Variants in HDC observed in about 807,000 individuals in gnomAD.
The protein encoded by HDC is histidine decarboxylase.
A neutral mutation model predicts 64.4 loss-of-function variants in HDC; 27 were observed. That is an observed-to-expected ratio of 0.42 (90% CI 0.31 to 0.58). HDC has a LOEUF of 0.58. Ranked by LOEUF, HDC falls within the 20% of genes least tolerant of loss-of-function variation. The pLI is 0.16. For missense variants in HDC, 711 were observed against 833.9 expected, an observed-to-expected ratio of 0.85 and a Z score of 1.81; for synonymous variants, 305 against 314.2, an observed-to-expected ratio of 0.97 and a Z score of 0.31.
At chr15:50,258,247 T>A (rs148141846) in intron 3 of HDC, among the ~76,000 whole-genome samples, 157 bp downstream of exon 3, 139 of 152,278 alleles carry the variant, frequency 9.1e-4, no homozygotes, top group African/African-American at 3.2e-3. Context: ...AAGGATGTGA[T>A]GAGAAAATTA....
intron 4 of HDC, among the ~76,000 whole-genome samples, chr15:50,256,678 G>A (rs998050059): frequency 7.2e-5 from 11 of 152,164 alleles, no homozygotes; most frequent in African/African-American, 2.7e-4. Flanking sequence ...GAGTCACCAT[G>A]TCCAGCCACG....
intron 1 of HDC, among the ~76,000 whole-genome samples, chr15:50,263,776 G>C (rs114121839): frequency 0.011 from 1,690 of 152,074 alleles, 28 homozygotes; most frequent in African/African-American, 0.039. Context: ...CTCCAGCCTG[G>C]ACTCAAAAAA....
intron 9 of HDC, among the ~76,000 whole-genome samples, chr15:50,251,922 G>C (rs1192213518): frequency 6.6e-6 from 1 of 152,158 alleles, no homozygotes; most frequent in African/African-American, 2.4e-5. Flanking sequence ...AGTTGGGAAA[G>C]TCAGGAATGC....
intron 2 of HDC, 22 bp from the exon 3 acceptor site, chr15:50,258,539 A>T: frequency 7.0e-7 from 1 of 1,431,178 alleles, no homozygotes; most frequent in African/African-American, 1.4e-5. Flanking sequence ...GCATGCACAG[A>T]GTTGGCACCA....
chr15:50,258,083 C>T (rs1362796690), intron 3 of HDC, among the ~76,000 whole-genome samples: 3 of 152,104 alleles, frequency 2.0e-5, no homozygotes, highest in Non-Finnish European at 4.4e-5. Flanking sequence ...CATCAAATTG[C>T]TTAGGTAAGG....
intron 9 of HDC, among the ~76,000 whole-genome samples, chr15:50,251,662 G>A (rs948418512): frequency 7.9e-5 from 12 of 152,142 alleles, no homozygotes; most frequent in African/African-American, 2.9e-4. Context: ...GGCTGAGGAT[G>A]TGGAATCAAG....
At chr15:50,245,268 G>A (rs904093480) in intron 10 of HDC, among the ~76,000 whole-genome samples, 1 of 152,192 alleles carries the variant, frequency 6.6e-6, no homozygotes, top group Non-Finnish European at 1.5e-5. Context: ...TTTACATATT[G>A]TCTACGGTAG....
intron 9 of HDC, among the ~76,000 whole-genome samples, chr15:50,251,842 AAAGAAAG>A (rs2045559964): frequency 4.1e-5 from 6 of 147,384 alleles, no homozygotes; most frequent in Non-Finnish European, 5.9e-5. Context: ...AGAAAAAAAA[AAAGAAAG>A]AAAGAAAGAA....
rs1041793374 is a variant in HDC, at chr15:50,250,035, C to G, written c.1042-1692G>C. ...TCCTTGTAAGGTCCTTGCAGGGCTC[C>G]CTTGCCAAGGCTAAGGTAACGCTCC... On this transcript the variant is annotated intron_variant, in intron 9 of 11. Transcript: ENST00000267845. Among the ~76,000 whole-genome samples the G allele has an allele frequency of 2.0e-5, 3 of 152,334 alleles. No individual in the cohort carries two copies. In the East Asian group the frequency reaches 5.8e-4, roughly 29 times the overall value.
In HDC at chr15:50,242,416, C is replaced by G; in HGVS notation, c.1833G>C (p.Arg611Ser). 1 of 1,614,146 alleles carries G rather than the reference C, an allele frequency of 6.2e-7. No individual in the cohort carries two copies. Among genetic ancestry groups the G allele is most frequent in the South Asian group, 1.1e-5 (1 of 91,076 alleles). ...EASVKNGGSSRVRIFSRFPED... is the reference protein window; with the variant it reads ...EASVKNGGSSSVRIFSRFPED... ...CTGGAAACCTGGAAAAGATTCTGAC[C>G]CTGGAGGAGCCCCCATTCTTCACAG... is the stretch of plus-strand genomic sequence containing the variant. Residue 611 changes from arginine (R) to serine (S), a missense_variant, in exon 12 of 12, where the codon AGG (arginine) becomes AGC (serine). By Grantham distance (110) the Arg-to-Ser change is moderately radical. Around this residue, in one of 3 missense-constraint regions of HDC, gnomAD observed 483 missense variants for 540.9 expected, o/e 0.89. Transcript: ENST00000267845.
intron 2 of HDC, among the ~76,000 whole-genome samples, chr15:50,260,254 C>G (rs552477701): frequency 1.3e-5 from 2 of 152,226 alleles, no homozygotes; most frequent in East Asian, 3.9e-4. Flanking sequence ...AACTCCTGAC[C>G]TCATGATCCA....
In HDC at chr15:50,258,442, T is replaced by A; in HGVS notation, c.280A>T (p.Met94Leu). 6.2e-7 allele frequency: 1 copy of A among 1,613,616 alleles called. No homozygotes were observed. Among genetic ancestry groups the A allele is most frequent in the Non-Finnish European group, 8.5e-7 (1 of 1,179,638 alleles). ...AAGCAGTTGATGGCATCAGCCAGCA[T>A]GTCTCCTAGCAGGGAGGGCCAAGAG... The part of the protein sequence containing the change: ...LTSWPSLLGD[M>L]LADAINCLGF... Residue 94 changes from methionine to leucine, a missense_variant, in exon 3 of 12, where the codon ATG becomes TTG. Met to Leu is a conservative substitution (Grantham distance 15, BLOSUM62 2). Around this residue, in one of 3 missense-constraint regions of HDC, gnomAD observed 225 missense variants for 276.2 expected, o/e 0.81. Coordinates refer to ENST00000267845, the MANE Select transcript of HDC (RefSeq NM_002112.4).
intron 4 of HDC, among the ~76,000 whole-genome samples, 195 bp from the exon 5 acceptor site, chr15:50,254,859 T>C (rs889849616): frequency 1.3e-5 from 2 of 151,886 alleles, no homozygotes; most frequent in Admixed American, 6.6e-5. Context: ...AGGGTGCCCA[T>C]GTCCCTCCCC....
In HDC at chr15:50,243,090, C is replaced by T. The variant is rs560263274; in HGVS notation, c.1242+53G>A. ...GCCCAGCATTTGTGTTTCCGAGAGG[C>T]TCTGGAGCACCACAAGACATCATTC... On this transcript the variant is annotated intron_variant, in intron 11 of 11. Transcript: ENST00000267845. The T allele has an allele frequency of 6.3e-5, 102 of 1,612,644 alleles. No individual in the cohort carries two copies. The South Asian group carries it at 1.1e-3, about 17-fold the overall frequency.
chr15:50,263,163 C>A, intron 2 of HDC, 72 bp downstream of exon 2: 1 of 1,523,150 alleles, frequency 6.6e-7, no homozygotes, highest in Non-Finnish European at 9.1e-7. Flanking sequence ...CAAAGCAGGT[C>A]TTTCTCCAGG....
At chr15:50,250,242 C>A (rs1025436918) in intron 9 of HDC, among the ~76,000 whole-genome samples, 4 of 152,214 alleles carry the variant, frequency 2.6e-5, no homozygotes, top group East Asian at 1.9e-4. Flanking sequence ...CTGTTCAAAG[C>A]TGCAGCCACC....
chr15:50,257,206 C>T (rs1490801532), intron 4 of HDC, among the ~76,000 whole-genome samples: 1 of 152,160 alleles, frequency 6.6e-6, no homozygotes, highest in Middle Eastern at 3.2e-3. Flanking sequence ...CATGTGTTGG[C>T]TCTTTAATTT....
Position 50,242,806 on chromosome 15 carries a change from G to A in HDC, c.1443C>T (p.Ser481=), listed in dbSNP as rs775552010. 2.5e-6 allele frequency: 4 copies of A among 1,613,990 alleles called. No individual in the cohort carries two copies. Among genetic ancestry groups the A allele is most frequent in the African/African-American group, 1.3e-5 (1 of 74,910 alleles). ...ATLILSQHCT[S]QPSPRVGNLI... ...GGTTCCCAACCCGAGGGCTGGGTTG[G>A]GAAGTACAGTGCTGACTCAGGATGA... The change falls in exon 12 of 12, where the codon TCC becomes TCT. Residue 481 remains serine (S), a synonymous_variant. Coordinates refer to ENST00000267845, the MANE Select transcript of HDC (RefSeq NM_002112.4).
In HDC at chr15:50,254,543, T is replaced by A; in HGVS notation, c.563A>T (p.Tyr188Phe). ...ESCLNARLVA[Y>F]ASDQAHSSVE... is the part of the protein sequence containing the mutation. Reference sequence around the variant, plus strand: ...CGGGCAACTCACCTGGTCAGAGGCATAGGCCACGAGTCGGGCATTTAGGCA... The same window carrying A: ...CGGGCAACTCACCTGGTCAGAGGCAAAGGCCACGAGTCGGGCATTTAGGCA... Residue 188 changes from tyrosine to phenylalanine, a missense_variant, in exon 5 of 12, where the codon TAT becomes TTT. By Grantham distance (22) the Tyr-to-Phe change is conservative. Transcript: ENST00000267845. 6.2e-7 allele frequency: 1 copy of A among 1,614,194 alleles called. No individual in the cohort carries two copies. Among genetic ancestry groups the A allele is most frequent in the Non-Finnish European group, 8.5e-7 (1 of 1,180,030 alleles).
Sources: gnomAD v4.1 joint callset for allele counts (sites outside exome capture counted in the v4.1 genomes callset) on GRCh38, gnomAD v4.1.1 for gene constraint, gnomAD v4.1.1 regional missense constraint, MANE v1.5 for transcripts, NCBI Gene and HGNC (gene_info 2026-07-23, HGNC 2026-07-21) for gene names.